The following OGDHL variants were observed in gnomAD, a reference collection of about 807,000 sequenced individuals.
OGDHL encodes the protein 2-oxoglutarate dehydrogenase-like, mitochondrial.
Under a neutral mutation model 109.6 loss-of-function variants are expected in OGDHL, and 79 were observed. The ratio of observed to expected loss-of-function variants is 0.72; its 90% CI spans 0.60 to 0.87. The LOEUF is 0.87. OGDHL is among the 40% of genes least tolerant of loss of function. The probability of loss-of-function intolerance (pLI) is 0.00; values close to 1 mark genes in which losing one functional copy is unlikely to be tolerated. For missense variants in OGDHL, 1,275 were observed against 1,362.2 expected, an observed-to-expected ratio of 0.94 and a Z score of 1.01; for synonymous variants, 528 against 537.2, an observed-to-expected ratio of 0.98 and a Z score of 0.24.
chr10:49,744,856 T>A, intron 12 of OGDHL, 104 bp from the exon 13 acceptor site: 7 of 895,646 alleles, frequency 7.8e-6, no homozygotes, highest in South Asian at 1.5e-5. Context: ...CAAGTTCTTC[T>A]AGAACTCTCT....
Position 49,739,766 on chromosome 10 carries a change from G to A in OGDHL, c.2214C>T (p.His738=). 2.5e-6 allele frequency: 4 copies of A among 1,614,170 alleles called. No individual in the cohort carries two copies. Among genetic ancestry groups the A allele is most frequent in the Non-Finnish European group, 3.4e-6 (4 of 1,179,998 alleles). The change falls in exon 17 of 23, where the codon CAC becomes CAT. Residue 738 remains histidine (H), a synonymous_variant. Transcript: ENST00000374103. ...GGTCGATGATGCACTGGGCCGTGTTGTGGAAGTCCCCAAACTGGGCCTCCC... is the reference window on the plus strand; with the variant it reads ...GGTCGATGATGCACTGGGCCGTGTTATGGAAGTCCCCAAACTGGGCCTCCC... The part of the protein sequence containing the change: ...VLWEAQFGDF[H]NTAQCIIDQF...
Position 49,736,498 on chromosome 10 carries a change from A to G in OGDHL, c.2613T>C (p.Ile871=). ...CCCGTGCTGCGGCCCCATCTTCAGG[A>G]ATCACCCGCTGGAAGCTGGTCCCTG... ...MVSGTSFQRV[I]PEDGAAARAP... The change falls in exon 21 of 23, where the codon ATT becomes ATC. Residue 871 remains isoleucine (I), a synonymous_variant. Transcript: ENST00000374103. 1 of 1,613,540 alleles carries G rather than the reference A, an allele frequency of 6.2e-7. No individual in the cohort carries two copies. Among genetic ancestry groups the G allele is most frequent in the African/African-American group, 1.3e-5 (1 of 75,046 alleles).
intron 15 of OGDHL, among the ~76,000 whole-genome samples, chr10:49,742,333 A>G (rs2132988568): frequency 1.7e-5 from 2 of 114,534 alleles, no homozygotes; most frequent in South Asian, 6.9e-4. Flanking sequence ...ACCACACACG[A>G]CACACACCAC....
At chr10:49,758,250 G>T in intron 2 of OGDHL, 139 bp downstream of exon 2, 2 of 807,654 alleles carry the variant, frequency 2.5e-6, no homozygotes, top group Non-Finnish European at 3.9e-6. Flanking sequence ...AGGCTTTGAT[G>T]ACTGAGGACC....
rs757865287 is a variant in OGDHL, at chr10:49,750,828, G to C, written c.896+11C>G. ...GAGAATGCGCAAGGCACAGCAGGGA[G>C]GGGGACCCACCTGTGTGGCATCCCC... On this transcript the variant is annotated intron_variant, in intron 7 of 22. Coordinates refer to ENST00000374103, the MANE Select transcript of OGDHL (RefSeq NM_018245.3). The C allele has an allele frequency of 6.2e-7, 1 of 1,604,468 alleles. No homozygotes were observed. The highest frequency in any genetic ancestry group is 8.5e-7 in the Non-Finnish European group (1 of 1,174,588).
chr10:49,761,235 G>A (rs921430286), intron 1 of OGDHL, among the ~76,000 whole-genome samples: 1 of 152,142 alleles, frequency 6.6e-6, no homozygotes, highest in Non-Finnish European at 1.5e-5. Flanking sequence ...TCTCTTGGGG[G>A]TCTCTTCTCT....
At position 49,752,631 on chromosome 10, in the gene OGDHL, G is replaced by T. The variant is rs1355821913; in HGVS notation, c.478+7C>A. On this transcript the variant is annotated splice_region_variant and intron_variant, in intron 4 of 22. Coordinates refer to ENST00000374103, the MANE Select transcript of OGDHL (RefSeq NM_018245.3). ...ACTGCCATGGCCGTCCTGAGGAAGG[G>T]TCTTACCCAGTTTATCAATGGTTGT... 6 of 1,612,554 alleles carry T rather than the reference G, an allele frequency of 3.7e-6. No individual in the cohort carries two copies. The highest frequency in any genetic ancestry group is 8.5e-7 in the Non-Finnish European group (1 of 1,178,530).
rs778956524 is a variant in OGDHL at position 49,742,904 on chromosome 10, T to C, written c.1936A>G (p.Met646Val). The C allele has an allele frequency of 8.1e-6, 13 of 1,613,968 alleles. No homozygotes were observed. The highest frequency in any genetic ancestry group is 6.7e-5 in the African/African-American group (5 of 74,946). Residue 646 changes from methionine (M) to valine (V), a missense_variant, in exon 15 of 23, where the codon ATG becomes GTG. Transcript: ENST00000374103. ...RTVDWALAEY[M>V]AFGSLLKEGI... ...TCCTTCAGCAGGGAGCCAAAGGCCA[T>C]GTACTCTGCCAACGCCCAGTCCACC...
rs200888296 is a variant in OGDHL at position 49,745,488 on chromosome 10, G to C, written c.1485C>G (p.Tyr495Ter). ...CCATCTCATTGTGGCCACGCCGGCG[G>C]TAACAGACCTGCAGGAGCAGCCAGA... ...NKDVVVDLVC[Y>*]RRRGHNEMDE... Residue 495 changes from tyrosine to a stop codon, truncating the protein, a stop_gained, in exon 12 of 23, where the codon TAC (tyrosine) becomes TAG (stop). Transcript: ENST00000374103. LOFTEE classifies it high-confidence loss of function. 6.2e-7 allele frequency: 1 copy of C among 1,613,878 alleles called. No individual in the cohort carries two copies. Among genetic ancestry groups the C allele is most frequent in the East Asian group, 2.2e-5 (1 of 44,882 alleles).
intron 12 of OGDHL, among the ~76,000 whole-genome samples, chr10:49,745,132 C>T (rs1271542638): frequency 1.3e-5 from 2 of 152,252 alleles, no homozygotes; most frequent in Non-Finnish European, 2.9e-5. Flanking sequence ...GGACTTCCCC[C>T]ACATTGCAGT....
chr10:49,743,323 C>A (rs143584015), intron 14 of OGDHL, among the ~76,000 whole-genome samples: 1 of 152,206 alleles, frequency 6.6e-6, no homozygotes, highest in African/African-American at 2.4e-5. Context: ...CAGCCCCACA[C>A]ACAGAGGCTA....
chr10:49,743,841 G>A (rs1841975825), intron 14 of OGDHL, 153 bp downstream of exon 14: 5 of 884,562 alleles, frequency 5.7e-6, no homozygotes, highest in Non-Finnish European at 8.3e-6. Flanking sequence ...ACTGTCACGG[G>A]CACAGACATG....
At position 49,746,822 on chromosome 10, in the gene OGDHL, A is replaced by G. The variant is rs146129534; in HGVS notation, c.1224T>C (p.Tyr408=). ...GCAGGTCGCTCAGGTGGAAGGTCTC[A>G]TATACCACGCCCTGGCCAGCAAAGG... ...DAAFAGQGVV[Y]ETFHLSDLPS... The change falls in exon 10 of 23, where the codon TAT becomes TAC. Residue 408 remains tyrosine, a synonymous_variant. Transcript: ENST00000374103. 259 of 1,614,052 alleles carry G rather than the reference A, an allele frequency of 1.6e-4. 1 individual carries two copies. The African/African-American group carries it at 3.1e-3, about 20-fold the overall frequency.
Position 49,736,181 on chromosome 10 carries a change from G to C in OGDHL, c.2755-4C>G. 1 of 1,584,292 alleles carries C rather than the reference G, an allele frequency of 6.3e-7. No individual in the cohort carries two copies. The highest frequency in any genetic ancestry group is 8.6e-7 in the Non-Finnish European group (1 of 1,165,058). On this transcript the variant is annotated splice_region_variant and splice_polypyrimidine_tract_variant and intron_variant, in intron 21 of 22. Transcript: ENST00000374103. ...GGTCGAAGGGGAATGGAGAGATCTGGGGAGGCAGAAACAAAGGAGCATAGC... is the reference window on the plus strand; with the variant it reads ...GGTCGAAGGGGAATGGAGAGATCTGCGGAGGCAGAAACAAAGGAGCATAGC...
At chr10:49,751,347 C>T (rs1004068217) in intron 6 of OGDHL, among the ~76,000 whole-genome samples, 1 of 152,124 alleles carries the variant, frequency 6.6e-6, no homozygotes, top group Non-Finnish European at 1.5e-5. Flanking sequence ...CGCCAAGTCC[C>T]AAAGATCTCC....
Position 49,756,962 on chromosome 10 carries a change from A to G in OGDHL, c.205-16T>C, listed in dbSNP as rs765933773. The G allele has an allele frequency of 6.2e-7, 1 of 1,607,466 alleles. No homozygotes were observed. Among genetic ancestry groups the G allele is most frequent in the South Asian group, 1.1e-5 (1 of 90,146 alleles). On this transcript the variant is annotated splice_polypyrimidine_tract_variant and intron_variant, in intron 2 of 22. Transcript: ENST00000374103. ...TGTCCCAGGACTAGGCAGGGCAGAA[A>G]CAAGAACGCAGCCAGGTCAGGGCCT...
intron 18 of OGDHL, 24 bp from the exon 19 acceptor site, chr10:49,738,096 C>T (rs1407837677): frequency 5.0e-6 from 8 of 1,613,956 alleles, no homozygotes; most frequent in Non-Finnish European, 5.9e-6. Context: ...ATGCATATGG[C>T]CAGGGTGGCT....
rs1258184 is a variant in OGDHL at position 49,752,163 on chromosome 10, G to A, written c.564C>T (p.Leu188=). ...TTFIGGSENT[L]SLREIIRRLE... ...GGCGCCGAATGATCTCCCGCAGAGA[G>A]AGGGTGTTTTCAGAGCCCCCAATGA... is the stretch of plus-strand genomic sequence containing the variant. Residue 188 remains leucine (L), a synonymous_variant, in exon 5 of 23, where the codon CTC becomes CTT. Transcript: ENST00000374103. 0.48 allele frequency: 771,302 copies of A among 1,613,382 alleles called. 193,363 individuals are homozygous for A. Among genetic ancestry groups the A allele is most frequent in the East Asian group, 0.89 (39,713 of 44,838 alleles).
intron 13 of OGDHL, 39 bp from the exon 14 acceptor site, chr10:49,744,161 G>A: frequency 1.2e-6 from 2 of 1,608,026 alleles, no homozygotes; most frequent in Non-Finnish European, 1.7e-6. Context: ...TGTGTCAGTG[G>A]TGGGTTCTGA....
Sources: gnomAD v4.1 joint callset for allele counts (sites outside exome capture counted in the v4.1 genomes callset) on GRCh38, gnomAD v4.1.1 for gene constraint, MANE v1.5 for transcripts, NCBI Gene and HGNC (gene_info 2026-07-23, HGNC 2026-07-21) for gene names.